The following CCR9 variants were observed in gnomAD, a reference collection of about 807,000 sequenced individuals.
CCR9 encodes the protein C-C motif chemokine receptor 9.
In CCR9, 4 loss-of-function variants were observed where a neutral mutation model predicts 8.7. That is an observed-to-expected ratio of 0.46 (90% CI 0.23 to 1.06). The LOEUF (loss-of-function observed/expected upper bound fraction) is 1.06, where lower values mean the gene tolerates loss of function less well. Among genes scored for constraint, CCR9 ranks in the 50% least tolerant of loss-of-function variants. The probability of loss-of-function intolerance (pLI) is 0.21; values close to 1 mark genes in which losing one functional copy is unlikely to be tolerated. For synonymous variants in CCR9, 159 were observed against 168.8 expected, an observed-to-expected ratio of 0.94 and a Z score of 0.45; for missense variants, 394 against 453.6, an observed-to-expected ratio of 0.87 and a Z score of 1.19.
intron 2 of CCR9, among the ~76,000 whole-genome samples, chr3:45,895,299 G>A (rs1702317460): frequency 2.0e-5 from 3 of 152,178 alleles, no homozygotes; most frequent in African/African-American, 7.2e-5. Context: ...CATGTAATTT[G>A]CTTTTAAAAA....
chr3:45,895,769 T>A lies in CCR9; in HGVS notation c.21+815T>A, dbSNP rs183776509. Among the ~76,000 whole-genome samples, 183 of 152,316 alleles carry A rather than the reference T, an allele frequency of 1.2e-3. 2 individuals carry two copies. Among genetic ancestry groups the A allele is most frequent in the Middle Eastern group, 3.4e-3 (1 of 294 alleles). On this transcript the variant is annotated intron_variant, in intron 2 of 2. Coordinates refer to ENST00000357632, the MANE Select transcript of CCR9 (RefSeq NM_031200.3). ...TCATAATCCAGAGAATCTTTTTTTCTTTTACAGCCGAATGTAATTAAGTGT... is the reference window on the plus strand; with the variant it reads ...TCATAATCCAGAGAATCTTTTTTTCATTTACAGCCGAATGTAATTAAGTGT...
Position 45,901,727 on chromosome 3 carries a change from C to T in CCR9, c.939C>T (p.Asn313=), listed in dbSNP as rs1235712486. The T allele has an allele frequency of 3.7e-6, 6 of 1,614,070 alleles. No homozygotes were observed. Among genetic ancestry groups the T allele is most frequent in the South Asian group, 1.1e-5 (1 of 91,084 alleles). ...TCGCCTTCTTCCACAGTTGCCTGAA[C>T]CCTGTTCTCTATGTTTTTGTGGGTG... is the stretch of plus-strand genomic sequence containing the variant. ...QTIAFFHSCL[N]PVLYVFVGER... Residue 313 remains asparagine (N), a synonymous_variant, in exon 3 of 3, where the codon AAC becomes AAT. Transcript: ENST00000357632. This position sits in a 1 kb window ranked among gnomAD's most constrained non-coding sequence, Gnocchi z 4.3.
At position 45,902,141 on chromosome 3, in the gene CCR9, G is replaced by T. The variant is rs201332768; in HGVS notation, c.*243G>T. On this transcript the variant is annotated 3_prime_UTR_variant, in exon 3 of 3. Coordinates refer to ENST00000357632, the MANE Select transcript of CCR9 (RefSeq NM_031200.3). ...CCCGCAATTCTCAAAGGAGGACTAA[G>T]GACCGGCACTGTGGAGCACCCTGGC... 1 of 439,640 alleles carries T rather than the reference G, an allele frequency of 2.3e-6. No homozygotes were observed. The highest frequency in any genetic ancestry group is 4.2e-6 in the Non-Finnish European group (1 of 240,490). The allele number at this position is 439,640 out of a possible 1,614,324, so 27.2% of individuals were successfully genotyped here. A position where few individuals can be genotyped will look rare whatever the true frequency, so the allele number is the denominator to read the frequency against.
intron 1 of CCR9, among the ~76,000 whole-genome samples, chr3:45,887,249 G>C (rs553616921): frequency 8.4e-6 from 1 of 118,828 alleles, no homozygotes; most frequent in Admixed American, 1.0e-4. Flanking sequence ...GTGCGTGTGT[G>C]TCTGTGTGTG....
At chr3:45,892,375 C>A (rs1259344615) in intron 1 of CCR9, among the ~76,000 whole-genome samples, 3 of 152,098 alleles carry the variant, frequency 2.0e-5, no homozygotes, top group Non-Finnish European at 4.4e-5. Context: ...GAATACTACA[C>A]AGCCATAAAA....
intron 2 of CCR9, chr3:45,897,441 G>A: frequency 1.4e-6 from 1 of 715,188 alleles, no homozygotes; most frequent in East Asian, 2.7e-5. Context: ...AGGACACAAT[G>A]TCCTTGTCTG....
In CCR9 at chr3:45,887,383, T is replaced by C. The variant is rs1702016271; in HGVS notation, c.-29+728T>C. Among the ~76,000 whole-genome samples, 3 of 152,228 alleles carry C rather than the reference T, an allele frequency of 2.0e-5. No homozygotes were observed. The South Asian group carries it at 6.2e-4, about 31-fold the overall frequency. Reference sequence around the variant, plus strand: ...GTTTTTATTTTCTATATTATGTATGTTGGCATTTTGGGGATTTTTTGTGCA... The same window carrying C: ...GTTTTTATTTTCTATATTATGTATGCTGGCATTTTGGGGATTTTTTGTGCA... On this transcript the variant is annotated intron_variant, in intron 1 of 2. Coordinates refer to ENST00000357632, the MANE Select transcript of CCR9 (RefSeq NM_031200.3).
intron 2 of CCR9, among the ~76,000 whole-genome samples, chr3:45,896,958 C>G (rs539775571): frequency 6.6e-6 from 1 of 152,200 alleles, no homozygotes; most frequent in South Asian, 2.1e-4. Flanking sequence ...GAGAAGGAGG[C>G]CCTGGAAAGC....
intron 1 of CCR9, among the ~76,000 whole-genome samples, chr3:45,891,088 G>T (rs1365262983): frequency 6.6e-6 from 1 of 152,186 alleles, no homozygotes; most frequent in African/African-American, 2.4e-5. Context: ...GCAAACACGT[G>T]TGTTACTTTT....
chr3:45,895,439 G>T (rs540768339), intron 2 of CCR9, among the ~76,000 whole-genome samples: 4 of 152,356 alleles, frequency 2.6e-5, no homozygotes, highest in Admixed American at 2.6e-4. Context: ...GTCTGGGCGT[G>T]GTAGCTCACG....
rs1257696868 is a variant in CCR9, at chr3:45,900,698, C to T, written c.22-112C>T. ...CCTCAGAATGCCTATGTGTCTTTGG[C>T]CTTATCATAGGTGTTTGGGGTTGGA... On this transcript the variant is annotated intron_variant, in intron 2 of 2. Transcript: ENST00000357632. The surrounding 1 kb of genome is among the most constrained non-coding windows in gnomAD (Gnocchi z 4.7). 4 of 1,050,414 alleles carry T rather than the reference C, an allele frequency of 3.8e-6. No individual in the cohort carries two copies. The highest frequency in any genetic ancestry group is 5.5e-6 in the Non-Finnish European group (4 of 721,408). 65.1% of individuals were successfully genotyped at this position (1,050,414 alleles called of 1,614,324 possible).
At chr3:45,895,013 G>A in intron 2 of CCR9, 59 bp downstream of exon 2, 1 of 1,549,988 alleles carries the variant, frequency 6.5e-7, no homozygotes. Flanking sequence ...CCCTTTTTAG[G>A]GGGTGTGGGA....
rs1575295472 is a variant in CCR9 at position 45,891,603 on chromosome 3, C to T, written c.-28-3303C>T. 9.2e-5 allele frequency among the ~76,000 whole-genome samples: 14 copies of T among 152,260 alleles called. 1 individual carries two copies. In the South Asian group the frequency reaches 2.9e-3, roughly 32 times the overall value. On this transcript the variant is annotated intron_variant, in intron 1 of 2. Coordinates refer to ENST00000357632, the MANE Select transcript of CCR9 (RefSeq NM_031200.3). ...AAAACCACAATGCAGTCAGCAAAAT[C>T]AGGAAATTTAATCCGGATGCAGCAC...
At chr3:45,897,399 A>G (rs1255167532) in intron 2 of CCR9, among the ~76,000 whole-genome samples, 1 of 152,218 alleles carries the variant, frequency 6.6e-6, no homozygotes, top group Non-Finnish European at 1.5e-5. Context: ...ATTCTCACCC[A>G]GCAGAAAAAC....
Position 45,902,002 on chromosome 3 carries a change from A to G in CCR9, c.*104A>G. ...GAGAGTGAAAGAGAAAAGAAAACTC[A>G]GAAAGGGATGAATCTGAACTATATG... On this transcript the variant is annotated 3_prime_UTR_variant, in exon 3 of 3. Transcript: ENST00000357632. 1.0e-6 allele frequency: 1 copy of G among 971,504 alleles called. No homozygotes were observed. The highest frequency in any genetic ancestry group is 1.5e-6 in the Non-Finnish European group (1 of 657,916). 60.2% of individuals were successfully genotyped at this position (971,504 alleles called of 1,614,324 possible). A position where few individuals can be genotyped will look rare whatever the true frequency, so the allele number is the denominator to read the frequency against.
intron 2 of CCR9, chr3:45,895,219 C>A: frequency 1.9e-6 from 1 of 530,324 alleles, no homozygotes; most frequent in Non-Finnish European, 3.4e-6. Flanking sequence ...TTTTAACCAT[C>A]TTTAACTAGG....
chr3:45,900,754 G>C lies in CCR9; in HGVS notation c.22-56G>C. On this transcript the variant is annotated intron_variant, in intron 2 of 2. Coordinates refer to ENST00000357632, the MANE Select transcript of CCR9 (RefSeq NM_031200.3). This position sits in a 1 kb window ranked among gnomAD's most constrained non-coding sequence, Gnocchi z 4.7. ...CAAGAGGTCCATGCCTCTGCCATCA[G>C]ACAGGACCTTCAAAATATTTTCCTT... The C allele has an allele frequency of 6.4e-7, 1 of 1,554,392 alleles. No individual in the cohort carries two copies. Among genetic ancestry groups the C allele is most frequent in the Non-Finnish European group, 8.7e-7 (1 of 1,149,894 alleles).
At chr3:45,899,058 C>CAGG in intron 2 of CCR9, among the ~76,000 whole-genome samples, 1 of 152,300 alleles carries the variant, frequency 6.6e-6, no homozygotes, top group East Asian at 1.9e-4. Context: ...CCCAGCTACT[C>CAGG]AGGAGGCTGA....
intron 2 of CCR9, among the ~76,000 whole-genome samples, chr3:45,897,899 A>T (rs1486653376): frequency 6.7e-6 from 1 of 148,294 alleles, no homozygotes; most frequent in Non-Finnish European, 1.5e-5. Flanking sequence ...CTGGGCCCTC[A>T]TCTGTGAGGC....
Sources: allele counts gnomAD v4.1 joint callset (sites outside exome capture counted in the v4.1 genomes callset), GRCh38; gene constraint gnomAD v4.1.1; non-coding constraint Gnocchi (gnomAD v3.1); transcripts MANE v1.5; gene names NCBI Gene and HGNC (gene_info 2026-07-23, HGNC 2026-07-21).